L3MBTL4: variants seen among roughly 807,000 people sequenced by gnomAD.
L3MBTL4 encodes L3MBTL histone methyl-lysine binding protein 4.
Under a neutral mutation model 84.5 loss-of-function variants are expected in L3MBTL4, and 70 were observed. The observed-to-expected ratio is 0.83, with a 90% confidence interval of 0.68 to 1.01. The LOEUF is 1.01. Ranked by LOEUF, L3MBTL4 falls within the 50% of genes least tolerant of loss-of-function variation. The pLI is 0.00. For missense variants in L3MBTL4, 715 were observed against 754.8 expected (o/e 0.95, Z 0.62); for synonymous variants, 274 against 259.8 (o/e 1.05, Z -0.52).
chr18:6,108,280 T>C (rs572723668), intron 14 of L3MBTL4, among the ~76,000 whole-genome samples: 1 of 152,326 alleles, frequency 6.6e-6, no homozygotes, highest in East Asian at 1.9e-4. Context: ...CAGGAGGATG[T>C]GGGACTTGTG....
At chr18:6,077,636 T>C (rs1037400344) in intron 16 of L3MBTL4, among the ~76,000 whole-genome samples, 4 of 151,832 alleles carry the variant, frequency 2.6e-5, no homozygotes, top group Non-Finnish European at 5.9e-5. Flanking sequence ...CATCTATACA[T>C]GTGTGTATAC....
intron 16 of L3MBTL4, among the ~76,000 whole-genome samples, chr18:5,989,603 C>T (rs1379888377): frequency 2.0e-5 from 3 of 152,170 alleles, no homozygotes; most frequent in Non-Finnish European, 4.4e-5. Flanking sequence ...CCCAATTTGA[C>T]CCTCTGTGGG....
intron 12 of L3MBTL4, among the ~76,000 whole-genome samples, chr18:6,178,870 T>C (rs2044339994): frequency 6.6e-6 from 1 of 152,208 alleles, no homozygotes; most frequent in South Asian, 2.1e-4. Flanking sequence ...TACTTCCCAA[T>C]GCCCACAGTA....
At chr18:6,236,404 G>T (rs2047216908) in intron 10 of L3MBTL4, among the ~76,000 whole-genome samples, 1 of 152,126 alleles carries the variant, frequency 6.6e-6, no homozygotes, top group African/African-American at 2.4e-5. Flanking sequence ...TGTTAATGAT[G>T]GCATAATCCT....
intron 14 of L3MBTL4, among the ~76,000 whole-genome samples, chr18:6,118,148 T>C (rs2059412695): frequency 7.0e-6 from 1 of 143,382 alleles, no homozygotes; most frequent in Non-Finnish European, 1.5e-5. Flanking sequence ...AAGCTTCAGG[T>C]ATTTGAAACT....
At chr18:6,378,237 G>T (rs2054453237) in intron 1 of L3MBTL4, among the ~76,000 whole-genome samples, 1 of 152,150 alleles carries the variant, frequency 6.6e-6, no homozygotes. Flanking sequence ...CAGATGGATA[G>T]ATTGCAAAAC....
chr18:6,135,730 T>C (rs975665316), intron 14 of L3MBTL4, among the ~76,000 whole-genome samples: 1 of 152,242 alleles, frequency 6.6e-6, no homozygotes, highest in Non-Finnish European at 1.5e-5. Flanking sequence ...TCAAAGCCAC[T>C]CGACAAGTCT....
At chr18:6,187,944 T>C (rs917382646) in intron 12 of L3MBTL4, among the ~76,000 whole-genome samples, 1 of 151,064 alleles carries the variant, frequency 6.6e-6, no homozygotes, top group African/African-American at 2.4e-5. Flanking sequence ...TAAATTAAAA[T>C]AATCAAAGAT....
intron 7 of L3MBTL4, among the ~76,000 whole-genome samples, chr18:6,242,714 C>A (rs1010552659): frequency 6.6e-6 from 1 of 152,198 alleles, no homozygotes; most frequent in Non-Finnish European, 1.5e-5. Context: ...AAGATATGAG[C>A]CCGTCAGCAT....
intron 12 of L3MBTL4, among the ~76,000 whole-genome samples, chr18:6,191,669 T>C (rs1598325): frequency 0.079 from 11,999 of 152,144 alleles, 1,597 homozygotes; most frequent in African/African-American, 0.27. Flanking sequence ...AGAGGTCCAG[T>C]GACGAGCCCC....
At chr18:6,041,381 A>G (rs2056391272) in intron 16 of L3MBTL4, among the ~76,000 whole-genome samples, 1 of 151,820 alleles carries the variant, frequency 6.6e-6, no homozygotes, top group Non-Finnish European at 1.5e-5. Flanking sequence ...GGGGTCTTCA[A>G]TGGACTGGCC....
At chr18:6,196,005 C>T (rs1043937715) in intron 12 of L3MBTL4, among the ~76,000 whole-genome samples, 4 of 152,158 alleles carry the variant, frequency 2.6e-5, no homozygotes, top group Admixed American at 2.0e-4. Flanking sequence ...CCTGTCTCAC[C>T]CACACTCTCC....
At chr18:6,126,929 C>A (rs1289237017) in intron 14 of L3MBTL4, among the ~76,000 whole-genome samples, 1 of 152,132 alleles carries the variant, frequency 6.6e-6, no homozygotes, top group Non-Finnish European at 1.5e-5. Context: ...TGTGTGGTAA[C>A]AGGATGTCAA....
chr18:5,998,577 A>G (rs1350741622), intron 16 of L3MBTL4, among the ~76,000 whole-genome samples: 1 of 152,130 alleles, frequency 6.6e-6, no homozygotes, highest in African/African-American at 2.4e-5. Flanking sequence ...GAGGTCAGCT[A>G]ATCATTTATG....
chr18:6,006,371 G>A (rs2054488491), intron 16 of L3MBTL4, among the ~76,000 whole-genome samples: 1 of 152,088 alleles, frequency 6.6e-6, no homozygotes, highest in Non-Finnish European at 1.5e-5. Context: ...TGATATATAA[G>A]AACTATGAGT....
intron 16 of L3MBTL4, among the ~76,000 whole-genome samples, chr18:6,034,899 T>C (rs544297043): frequency 6.7e-6 from 1 of 150,166 alleles, no homozygotes; most frequent in Admixed American, 6.6e-5. Flanking sequence ...TGATGGCCAG[T>C]GATGATGAGC....
intron 16 of L3MBTL4, among the ~76,000 whole-genome samples, chr18:5,989,487 C>A (rs2053596883): frequency 6.6e-6 from 1 of 152,162 alleles, no homozygotes; most frequent in African/African-American, 2.4e-5. Context: ...CATTAACAGG[C>A]CTTTAAAAGC....
chr18:5,996,619 G>A (rs1392405258), intron 16 of L3MBTL4, among the ~76,000 whole-genome samples: 1 of 152,162 alleles, frequency 6.6e-6, no homozygotes, highest in East Asian at 1.9e-4. Flanking sequence ...GCTCAGAGAA[G>A]CTTTTCCGTG....
At chr18:6,405,780 G>A (rs1265842988) in intron 1 of L3MBTL4, among the ~76,000 whole-genome samples, 5 of 148,974 alleles carry the variant, frequency 3.4e-5, no homozygotes, top group Non-Finnish European at 5.9e-5. Flanking sequence ...CAGGTATTGA[G>A]GAATGCAGCT....
Sources: gnomAD v4.1 joint callset for allele counts (sites outside exome capture counted in the v4.1 genomes callset) on GRCh38, gnomAD v4.1.1 for gene constraint, MANE v1.5 for transcripts, NCBI Gene and HGNC (gene_info 2026-07-23, HGNC 2026-07-21) for gene names.